LRP1B: variants seen among roughly 807,000 people sequenced by gnomAD.
The protein encoded by LRP1B is LDL receptor related protein 1B.
In LRP1B, 217 loss-of-function variants were observed where a neutral mutation model predicts 556.6. The ratio of observed to expected loss-of-function variants is 0.39; its 90% CI spans 0.35 to 0.44. The LOEUF (loss-of-function observed/expected upper bound fraction) is 0.44, where lower values mean the gene tolerates loss of function less well. LRP1B is among the 20% of genes least tolerant of loss of function. The pLI, the probability that LRP1B is intolerant of heterozygous loss-of-function variation, is 1.00. For synonymous variants in LRP1B, 2,047 were observed against 1,865.8 expected, an observed-to-expected ratio of 1.10 and a Z score of -2.50; for missense variants, 5,053 against 5,620.8, an observed-to-expected ratio of 0.90 and a Z score of 3.23.
chr2:141,460,263 T>C lies in LRP1B; in HGVS notation c.343+20133A>G, dbSNP rs533121429. Among the ~76,000 whole-genome samples, 16 of 152,320 alleles carry C rather than the reference T, an allele frequency of 1.1e-4. No individual in the cohort carries two copies. The East Asian group carries it at 2.7e-3, about 26-fold the overall frequency. On this transcript the variant is annotated intron_variant, in intron 3 of 90. Coordinates refer to ENST00000389484, the MANE Select transcript of LRP1B (RefSeq NM_018557.3). ...CATTAGCTCTTCAGCTCTTTCTTAT[T>C]ACAATCATTCTCAATGAATCCAACA...
At chr2:140,576,336 C>A (rs904001625) in intron 43 of LRP1B, among the ~76,000 whole-genome samples, 5 of 152,168 alleles carry the variant, frequency 3.3e-5, no homozygotes, top group African/African-American at 4.8e-5. Context: ...TTTGGGAAAG[C>A]TTTTACTTGC....
intron 4 of LRP1B, among the ~76,000 whole-genome samples, chr2:141,253,017 CT>C (rs1378419255): frequency 6.6e-6 from 1 of 152,110 alleles, no homozygotes; most frequent in African/African-American, 2.4e-5. Flanking sequence ...ACTCAGGAAT[CT>C]ACGTATTTAA....
At chr2:141,525,845 T>C (rs776240145) in intron 2 of LRP1B, among the ~76,000 whole-genome samples, 114 of 152,192 alleles carry the variant, frequency 7.5e-4, no homozygotes, top group Non-Finnish European at 1.5e-3. Flanking sequence ...AGTATAACTA[T>C]GTCTCATATA....
intron 1 of LRP1B, among the ~76,000 whole-genome samples, chr2:141,903,696 G>A (rs944551395): frequency 1.3e-5 from 2 of 151,986 alleles, no homozygotes; most frequent in East Asian, 1.9e-4. Context: ...TTGGTGAAAC[G>A]TTTAAAGAAT....
At chr2:140,439,744 C>T (rs1310970330) in intron 66 of LRP1B, among the ~76,000 whole-genome samples, 1 of 151,846 alleles carries the variant, frequency 6.6e-6, no homozygotes, top group Non-Finnish European at 1.5e-5. Context: ...TTCAAAGGCT[C>T]CTTAAATTAG....
At chr2:141,464,608 T>TATATATATATATATATATA (rs1244707646) in intron 3 of LRP1B, among the ~76,000 whole-genome samples, 1 of 48,342 alleles carries the variant, frequency 2.1e-5, no homozygotes, top group Non-Finnish European at 5.3e-5. Flanking sequence ...ATATATATAT[T>TATATATATATATATATATA]TTTTTAGTAG....
intron 43 of LRP1B, among the ~76,000 whole-genome samples, chr2:140,569,128 C>A (rs945716769): frequency 6.6e-6 from 1 of 151,692 alleles, no homozygotes; most frequent in East Asian, 1.9e-4. Flanking sequence ...ACAAAAAAAC[C>A]ACAATGATAA....
chr2:141,870,064 A>G (rs556420914), intron 1 of LRP1B, among the ~76,000 whole-genome samples: 1 of 152,012 alleles, frequency 6.6e-6, no homozygotes, highest in Non-Finnish European at 1.5e-5. Context: ...TAGTCATTCC[A>G]TAACATTTGT....
intron 51 of LRP1B, among the ~76,000 whole-genome samples, chr2:140,511,290 G>GTTTTTT (rs1178038693): frequency 1.2e-5 from 1 of 82,622 alleles, no homozygotes; most frequent in African/African-American, 5.8e-5. Context: ...TCCTCTAAGG[G>GTTTTTT]TCTTTTTTTT....
At chr2:140,580,195 G>A (rs1681705025) in intron 43 of LRP1B, among the ~76,000 whole-genome samples, 1 of 152,158 alleles carries the variant, frequency 6.6e-6, no homozygotes, top group Non-Finnish European at 1.5e-5. Flanking sequence ...TATAGAATAT[G>A]TAACTCAGCA....
rs764091871 is a variant in LRP1B, at chr2:141,569,629, T to C, written c.206-89096A>G. ...TGTTTTAAGCAACATTAAAATACTA[T>C]AGAAGTTGGACTCAGACTCCCTTTT... On this transcript the variant is annotated intron_variant, in intron 2 of 90. Transcript: ENST00000389484. Among the ~76,000 whole-genome samples the C allele has an allele frequency of 3.6e-4, 55 of 151,292 alleles. 3 individuals are homozygous for C. Among genetic ancestry groups the C allele is most frequent in the Non-Finnish European group, 5.0e-4 (34 of 67,480 alleles).
intron 43 of LRP1B, among the ~76,000 whole-genome samples, chr2:140,554,963 T>C (rs901449702): frequency 1.3e-5 from 2 of 151,864 alleles, no homozygotes; most frequent in Non-Finnish European, 1.5e-5. Flanking sequence ...CTTTGTGGAA[T>C]GGTATTACCA....
chr2:140,685,399 T>C (rs918344028), intron 41 of LRP1B, among the ~76,000 whole-genome samples: 2 of 152,198 alleles, frequency 1.3e-5, no homozygotes, highest in African/African-American at 4.8e-5. Flanking sequence ...ATCATGCTTC[T>C]AATTTTGCTA....
At chr2:141,922,020 CTTAA>C (rs1700199416) in intron 1 of LRP1B, among the ~76,000 whole-genome samples, 1 of 151,962 alleles carries the variant, frequency 6.6e-6, no homozygotes, top group Non-Finnish European at 1.5e-5. Flanking sequence ...CATAAGAATA[CTTAA>C]TTATTAATCC....
At chr2:140,261,159 C>T (rs952363216) in intron 86 of LRP1B, among the ~76,000 whole-genome samples, 6 of 151,780 alleles carry the variant, frequency 4.0e-5, no homozygotes, top group African/African-American at 1.4e-4. Context: ...CAATCTTTGT[C>T]TTTTCAGTGT....
At chr2:141,325,434 C>A (rs889175060) in intron 3 of LRP1B, among the ~76,000 whole-genome samples, 4 of 152,062 alleles carry the variant, frequency 2.6e-5, no homozygotes, top group African/African-American at 9.6e-5. Flanking sequence ...TCCATAATTT[C>A]TCAAATAAAG....
At position 141,188,613 on chromosome 2, in the gene LRP1B, T is replaced by C. The variant is rs756196316; in HGVS notation, c.851-30A>G. 3.8e-6 allele frequency: 6 copies of C among 1,598,486 alleles called. No individual in the cohort carries two copies. In the Admixed American group the frequency reaches 1.0e-4, roughly 27 times the overall value. On this transcript the variant is annotated intron_variant, in intron 6 of 90. Coordinates refer to ENST00000389484, the MANE Select transcript of LRP1B (RefSeq NM_018557.3). ...AAAACACATACACAAAATCATTGAA[T>C]CACAGGTGCAATCTAGCATCATGAT...
intron 1 of LRP1B, among the ~76,000 whole-genome samples, chr2:141,857,384 A>G (rs900365019): frequency 6.6e-6 from 1 of 151,948 alleles, no homozygotes; most frequent in African/African-American, 2.4e-5. Context: ...TCTGTCACCC[A>G]GGGTGAAGGG....
chr2:140,270,262 C>T lies in LRP1B; in HGVS notation c.13227G>A (p.Glu4409=), dbSNP rs2104943724. 6.2e-7 allele frequency: 1 copy of T among 1,611,878 alleles called. No individual in the cohort carries two copies. ...YNGGTCQLDP[E]TNVPVCLCST... is the part of the protein sequence containing the mutation. The stretch of plus-strand genomic sequence containing the variant: ...CTCACAGACACACAGGTACATTTGT[C>T]TCGGGGTCCAGCTGGCATGTGCCAC... Residue 4409 remains glutamate (E), a synonymous_variant, in exon 86 of 91, where the codon GAG becomes GAA. Coordinates refer to ENST00000389484, the MANE Select transcript of LRP1B (RefSeq NM_018557.3).
Sources: allele counts gnomAD v4.1 joint callset (sites outside exome capture counted in the v4.1 genomes callset), GRCh38; gene constraint gnomAD v4.1.1; transcripts MANE v1.5; gene names NCBI Gene and HGNC (gene_info 2026-07-23, HGNC 2026-07-21).